CSNK1G1: variants seen among roughly 807,000 people sequenced by gnomAD.
The protein encoded by CSNK1G1 is casein kinase I isoform gamma-1.
Under a neutral mutation model 59.6 loss-of-function variants are expected in CSNK1G1, and 22 were observed. That is an observed-to-expected ratio of 0.37 (90% confidence interval 0.26 to 0.53). The LOEUF (loss-of-function observed/expected upper bound fraction) is 0.53, where lower values mean the gene tolerates loss of function less well. Ranked by LOEUF, CSNK1G1 falls within the 20% of genes least tolerant of loss-of-function variation. The pLI is 0.89. For synonymous variants in CSNK1G1, 179 were observed against 177.1 expected, an observed-to-expected ratio of 1.01 and a Z score of -0.08; for missense variants, 384 against 519.5, an observed-to-expected ratio of 0.74 and a Z score of 2.54.
chr15:64,165,720 A>G lies in CSNK1G1; in HGVS notation c.*6211T>C. ...AAACAGACAAACCAATCAACCAACC[A>G]AACAAGCAGAAGTAGCCAAGAAAGG... is the stretch of plus-strand genomic sequence containing the variant. On this transcript the variant is annotated 3_prime_UTR_variant, in exon 12 of 12. Coordinates refer to ENST00000303052, the MANE Select transcript of CSNK1G1 (RefSeq NM_022048.5). 1 of 261,088 alleles carries G rather than the reference A, an allele frequency of 3.8e-6. No individual in the cohort carries two copies. The allele number at this position is 261,088 out of a possible 1,614,324, so 16.2% of individuals were successfully genotyped here.
Position 64,216,821 on chromosome 15 carries a change from G to T in CSNK1G1, c.293-108C>A. 9.3e-7 allele frequency: 1 copy of T among 1,071,766 alleles called. No homozygotes were observed. Among genetic ancestry groups the T allele is most frequent in the Non-Finnish European group, 1.3e-6 (1 of 762,744 alleles). The allele number at this position is 1,071,766 out of a possible 1,614,324, so 66.4% of individuals were successfully genotyped here. A position where few individuals can be genotyped will look rare whatever the true frequency, so the allele number is the denominator to read the frequency against. Reference sequence around the variant, plus strand: ...ATATTTTTAAAAGTACAATTTGTGAGATTTCCATTTTCTTTCATAGTCCCT... The same window carrying T: ...ATATTTTTAAAAGTACAATTTGTGATATTTCCATTTTCTTTCATAGTCCCT... On this transcript the variant is annotated intron_variant, in intron 4 of 11. Coordinates refer to ENST00000303052, the MANE Select transcript of CSNK1G1 (RefSeq NM_022048.5). The surrounding 1 kb of genome is among the most constrained non-coding windows in gnomAD (Gnocchi z 4.6).
intron 2 of CSNK1G1, among the ~76,000 whole-genome samples, chr15:64,274,708 T>C (rs1043599602): frequency 1.3e-5 from 2 of 152,180 alleles, no homozygotes; most frequent in African/African-American, 4.8e-5. Context: ...GAAGACTTCC[T>C]GTTTCTGTAA....
chr15:64,309,754 C>A lies in CSNK1G1; in HGVS notation c.-224-9031G>T, dbSNP rs966063619. Reference sequence around the variant, plus strand: ...GCAACAGTCATTAGAAAACTATAACCCAAATTTTCACCCATTTTAAATGGC... The same window carrying A: ...GCAACAGTCATTAGAAAACTATAACACAAATTTTCACCCATTTTAAATGGC... On this transcript the variant is annotated intron_variant, in intron 1 of 11. Transcript: ENST00000303052. 3.9e-5 allele frequency among the ~76,000 whole-genome samples: 6 copies of A among 152,240 alleles called. No individual in the cohort carries two copies. The South Asian group carries it at 1.2e-3, about 32-fold the overall frequency.
chr15:64,219,115 G>A (rs558578319), intron 4 of CSNK1G1, among the ~76,000 whole-genome samples: 2 of 151,646 alleles, frequency 1.3e-5, no homozygotes, highest in South Asian at 2.1e-4. Context: ...TCAGCCTCCC[G>A]AAGTGCTGGG....
chr15:64,333,459 A>AAAAAAG (rs1897225296), intron 1 of CSNK1G1, among the ~76,000 whole-genome samples: 15 of 145,190 alleles, frequency 1.0e-4, no homozygotes, highest in African/African-American at 1.3e-4. Flanking sequence ...AAAAAAAAAA[A>AAAAAAG]GGTCAATATG....
At position 64,306,552 on chromosome 15, in the gene CSNK1G1, C is replaced by T. The variant is rs116769674; in HGVS notation, c.-224-5829G>A. On this transcript the variant is annotated intron_variant, in intron 1 of 11. Coordinates refer to ENST00000303052, the MANE Select transcript of CSNK1G1 (RefSeq NM_022048.5). ...CTGCTGGTGAGAATGCAAAATGGTACGGCTATTTTGGAAGAAAGTTTGGCA... is the reference window on the plus strand; with the variant it reads ...CTGCTGGTGAGAATGCAAAATGGTATGGCTATTTTGGAAGAAAGTTTGGCA... 3.0e-3 allele frequency among the ~76,000 whole-genome samples: 461 copies of T among 152,210 alleles called. 1 individual carries two copies. The highest frequency in any genetic ancestry group is 0.011 in the African/African-American group (443 of 41,522).
Position 64,242,762 on chromosome 15 carries a change from G to C in CSNK1G1, c.292+8750C>G, listed in dbSNP as rs528308617. ...CAGGATTACCCTGATGCCAAAACCA[G>C]ACCAGGACACAACAACAAAAGAAAA... On this transcript the variant is annotated intron_variant, in intron 4 of 11. Coordinates refer to ENST00000303052, the MANE Select transcript of CSNK1G1 (RefSeq NM_022048.5). Among the ~76,000 whole-genome samples, 8 of 152,164 alleles carry C rather than the reference G, an allele frequency of 5.3e-5. 1 individual carries two copies. Among genetic ancestry groups the C allele is most frequent in the African/African-American group, 1.7e-4 (7 of 41,516 alleles).
intron 1 of CSNK1G1, among the ~76,000 whole-genome samples, chr15:64,311,677 G>GAAAAA (rs11371950): frequency 7.0e-4 from 76 of 108,128 alleles, no homozygotes; most frequent in Non-Finnish European, 8.3e-4. Flanking sequence ...TAAAAAAAGT[G>GAAAAA]AAAAAAAAAA....
At chr15:64,230,444 G>A (rs912809827) in intron 4 of CSNK1G1, among the ~76,000 whole-genome samples, 3 of 151,438 alleles carry the variant, frequency 2.0e-5, no homozygotes, top group Non-Finnish European at 4.4e-5. Context: ...ACTTACAGAC[G>A]TGTGACACCA....
chr15:64,235,221 T>C (rs981662180), intron 4 of CSNK1G1, among the ~76,000 whole-genome samples: 1 of 152,246 alleles, frequency 6.6e-6, no homozygotes, highest in Non-Finnish European at 1.5e-5. Context: ...ATCCTGCTGG[T>C]CTTCCAGTAA....
At chr15:64,291,867 A>G (rs1423696250) in intron 2 of CSNK1G1, among the ~76,000 whole-genome samples, 1 of 152,158 alleles carries the variant, frequency 6.6e-6, no homozygotes, top group Non-Finnish European at 1.5e-5. Context: ...TAATAATTAC[A>G]ACTGCCAAAA....
chr15:64,251,392 G>C, intron 4 of CSNK1G1, 120 bp downstream of exon 4: 1 of 654,650 alleles, frequency 1.5e-6, no homozygotes, highest in South Asian at 2.0e-5. Context: ...TTACCTATCC[G>C]GCAAGCAGGG....
intron 2 of CSNK1G1, among the ~76,000 whole-genome samples, chr15:64,259,451 G>C (rs1892567622): frequency 6.6e-6 from 1 of 150,856 alleles, no homozygotes; most frequent in South Asian, 2.1e-4. Flanking sequence ...CTATACCTGA[G>C]AATTTTCCTA....
chr15:64,244,745 G>A (rs1891662229), intron 4 of CSNK1G1, among the ~76,000 whole-genome samples: 2 of 152,066 alleles, frequency 1.3e-5, no homozygotes, highest in African/African-American at 2.4e-5. Flanking sequence ...CGTGGTGAGG[G>A]AGGCTGAGGC....
intron 4 of CSNK1G1, among the ~76,000 whole-genome samples, chr15:64,226,219 A>T (rs1472996534): frequency 6.6e-6 from 1 of 152,154 alleles, no homozygotes; most frequent in East Asian, 1.9e-4. Context: ...TGTGTTGTGT[A>T]TTGGAGGTGG....
At chr15:64,187,359 T>C (rs74482619) in intron 10 of CSNK1G1, among the ~76,000 whole-genome samples, 2,299 of 119,138 alleles carry the variant, frequency 0.019, 52 homozygotes, top group African/African-American at 0.051. Context: ...GCCTGGCTAA[T>C]TTTTTTTTTT....
At position 64,216,716 on chromosome 15, in the gene CSNK1G1, G is replaced by A. The variant is rs777397653; in HGVS notation, c.293-3C>T. On this transcript the variant is annotated splice_polypyrimidine_tract_variant and splice_region_variant and intron_variant, in intron 4 of 11. Coordinates refer to ENST00000303052, the MANE Select transcript of CSNK1G1 (RefSeq NM_022048.5). This position sits in a 1 kb window ranked among gnomAD's most constrained non-coding sequence, Gnocchi z 4.6. Reference sequence around the variant, plus strand: ...ATACACCTGTGGGAGACCTTCACCTGAAAGCAGAGGGGAAATGGGGGTATA... The same window carrying A: ...ATACACCTGTGGGAGACCTTCACCTAAAAGCAGAGGGGAAATGGGGGTATA... The A allele has an allele frequency of 1.2e-5, 20 of 1,613,654 alleles. No homozygotes were observed. Among genetic ancestry groups the A allele is most frequent in the Non-Finnish European group, 1.7e-5 (20 of 1,179,716 alleles).
chr15:64,213,677 G>C (rs1182995690), intron 6 of CSNK1G1, among the ~76,000 whole-genome samples: 1 of 152,104 alleles, frequency 6.6e-6, no homozygotes, highest in African/African-American at 2.4e-5. Flanking sequence ...TAAACATTTG[G>C]AAACAGTGTA....
chr15:64,234,301 T>C (rs1352441404), intron 4 of CSNK1G1, among the ~76,000 whole-genome samples: 1 of 152,050 alleles, frequency 6.6e-6, no homozygotes, highest in African/African-American at 2.4e-5. Flanking sequence ...AAATAAAATA[T>C]AAAATAAAAT....
Sources: gnomAD v4.1 joint callset for allele counts (sites outside exome capture counted in the v4.1 genomes callset) on GRCh38, gnomAD v4.1.1 for gene constraint, Gnocchi (gnomAD v3.1) non-coding constraint, MANE v1.5 for transcripts, NCBI Gene and HGNC (gene_info 2026-07-23, HGNC 2026-07-21) for gene names.